DGKB: variants seen among roughly 807,000 people sequenced by gnomAD.
DGKB encodes 90 kDa diacylglycerol kinase.
A neutral mutation model predicts 114.3 loss-of-function variants in DGKB; 67 were observed. The ratio of observed to expected loss-of-function variants is 0.59; its 90% CI spans 0.48 to 0.72. The LOEUF (loss-of-function observed/expected upper bound fraction) is 0.72, where lower values mean the gene tolerates loss of function less well. Ranked by LOEUF, DGKB falls within the 30% of genes least tolerant of loss-of-function variation. The pLI, the probability that DGKB is intolerant of heterozygous loss-of-function variation, is 0.00. For synonymous variants in DGKB, 398 were observed against 323.1 expected (o/e 1.23, Z -2.49); for missense variants, 907 against 975.2 (o/e 0.93, Z 0.93).
intron 6 of DGKB, 142 bp downstream of exon 6, chr7:14,718,400 G>A: frequency 1.7e-6 from 1 of 591,130 alleles, no homozygotes; most frequent in Non-Finnish European, 2.7e-6. Flanking sequence ...TCCTCAGCAG[G>A]AGGAAATTTT....
chr7:14,418,306 T>TAC (rs1826058723), intron 21 of DGKB, among the ~76,000 whole-genome samples: 8 of 100,602 alleles, frequency 8.0e-5, no homozygotes. Context: ...CATATATGTA[T>TAC]GTATATATGT....
chr7:14,494,032 T>G (rs1784961170), intron 20 of DGKB, among the ~76,000 whole-genome samples: 1 of 151,894 alleles, frequency 6.6e-6, no homozygotes, highest in Non-Finnish European at 1.5e-5. Flanking sequence ...ATATAAAATC[T>G]ATAATTACAT....
chr7:14,314,946 C>G (rs1451554541), intron 23 of DGKB, among the ~76,000 whole-genome samples: 1 of 151,498 alleles, frequency 6.6e-6, no homozygotes, highest in Non-Finnish European at 1.5e-5. Flanking sequence ...GGCAGAAACC[C>G]TACAAGCCAG....
chr7:14,284,448 T>G (rs1363557035), intron 23 of DGKB, among the ~76,000 whole-genome samples: 1 of 145,504 alleles, frequency 6.9e-6, no homozygotes, highest in Non-Finnish European at 1.5e-5. Context: ...TGGAAGTCAG[T>G]GTGGTGATTC....
Position 14,698,110 on chromosome 7 carries a change from G to A in DGKB, c.576C>T (p.Val192=). The A allele has an allele frequency of 6.5e-7, 1 of 1,547,466 alleles. No homozygotes were observed. The highest frequency in any genetic ancestry group is 8.7e-7 in the Non-Finnish European group (1 of 1,146,060). ...MHVAEYLEWD[V]TELNPILHEM... ...ATATACCTACTGGATTAAGTTCAGTGACATCCCACTCAAGGTATTCTGCAA... is the reference window on the plus strand; with the variant it reads ...ATATACCTACTGGATTAAGTTCAGTAACATCCCACTCAAGGTATTCTGCAA... Residue 192 remains valine, a synonymous_variant, in exon 8 of 26, where the codon GTC becomes GTT. Coordinates refer to ENST00000402815, the MANE Select transcript of DGKB (RefSeq NM_001350709.2).
intron 13 of DGKB, among the ~76,000 whole-genome samples, chr7:14,643,057 C>G (rs1052649557): frequency 2.0e-5 from 3 of 152,200 alleles, no homozygotes; most frequent in South Asian, 4.1e-4. Flanking sequence ...AAATAAATAA[C>G]CACAAATCAA....
chr7:14,251,220 G>A (rs1326734222), intron 23 of DGKB, among the ~76,000 whole-genome samples: 1 of 151,940 alleles, frequency 6.6e-6, no homozygotes, highest in Non-Finnish European at 1.5e-5. Context: ...TCCTCTGACT[G>A]TATTACTTCT....
At chr7:14,299,642 T>TA (rs1803165800) in intron 23 of DGKB, among the ~76,000 whole-genome samples, 1 of 151,978 alleles carries the variant, frequency 6.6e-6, no homozygotes, top group South Asian at 2.1e-4. Flanking sequence ...ATTTTCTTAA[T>TA]AAAAAACTGA....
intron 23 of DGKB, among the ~76,000 whole-genome samples, chr7:14,212,449 G>GATAT (rs1355842044): frequency 1.3e-5 from 2 of 151,304 alleles, no homozygotes; most frequent in Non-Finnish European, 3.0e-5. Context: ...CATGTTTTGT[G>GATAT]TTCCTCTACA....
chr7:14,600,356 A>G (rs1274667570), intron 17 of DGKB, among the ~76,000 whole-genome samples: 1 of 152,198 alleles, frequency 6.6e-6, no homozygotes, highest in African/African-American at 2.4e-5. Context: ...AGACACAAGT[A>G]TTCAAACCAT....
At position 14,631,143 on chromosome 7, in the gene DGKB, C is replaced by T. The variant is rs111954626; in HGVS notation, c.1135-875G>A. On this transcript the variant is annotated intron_variant, in intron 13 of 25. Transcript: ENST00000402815. ...AGAATTCCCTTTTCCTCCCTAGATACGAGCTATCTGAGGGAGGGTCTGGGC... is the reference window on the plus strand; with the variant it reads ...AGAATTCCCTTTTCCTCCCTAGATATGAGCTATCTGAGGGAGGGTCTGGGC... Among the ~76,000 whole-genome samples the T allele has an allele frequency of 4.6e-3, 693 of 150,576 alleles. 2 individuals are homozygous for T. Among genetic ancestry groups the T allele is most frequent in the African/African-American group, 0.015 (635 of 41,018 alleles).
intron 13 of DGKB, among the ~76,000 whole-genome samples, chr7:14,632,993 T>C (rs1810037577): frequency 6.6e-6 from 1 of 151,834 alleles, no homozygotes; most frequent in Non-Finnish European, 1.5e-5. Context: ...GACTGTGCCA[T>C]GCTGGATAAT....
At chr7:14,799,558 G>A (rs10230585) in intron 2 of DGKB, among the ~76,000 whole-genome samples, 14,981 of 152,228 alleles carry the variant, frequency 0.098, 925 homozygotes, top group East Asian at 0.24. Context: ...GTGTGGGGAA[G>A]TTCAAGATAT....
intron 20 of DGKB, among the ~76,000 whole-genome samples, chr7:14,481,214 G>A (rs996376315): frequency 4.6e-5 from 7 of 151,820 alleles, no homozygotes; most frequent in Admixed American, 4.6e-4. Context: ...TTGATCACTA[G>A]TATTTTTCTG....
chr7:14,563,582 C>T (rs1316050775), intron 20 of DGKB, among the ~76,000 whole-genome samples: 2 of 147,652 alleles, frequency 1.4e-5, no homozygotes, highest in African/African-American at 5.0e-5. Flanking sequence ...TTTTCTTGAC[C>T]TCAATGAGTA....
chr7:14,212,375 G>GTTTTGTGATTTTACTCTCA (rs1788189793), intron 23 of DGKB, among the ~76,000 whole-genome samples: 1 of 10,678 alleles, frequency 9.4e-5, no homozygotes, highest in African/African-American at 7.4e-4. Context: ...TTTTACTCTC[G>GTTTTGTGATTTTACTCTCA]TGTTTTGTGA....
intron 20 of DGKB, among the ~76,000 whole-genome samples, chr7:14,544,556 C>T (rs1261513673): frequency 6.6e-6 from 1 of 152,068 alleles, no homozygotes; most frequent in African/African-American, 2.4e-5. Context: ...TCAATGACAT[C>T]TCCTTTTATT....
chr7:14,285,243 G>C (rs543890928), intron 23 of DGKB, among the ~76,000 whole-genome samples: 24 of 152,244 alleles, frequency 1.6e-4, no homozygotes, highest in African/African-American at 5.8e-4. Context: ...CTGCCATTAG[G>C]TGGGTGCTAC....
At chr7:14,566,557 G>A (rs1319954494) in intron 20 of DGKB, among the ~76,000 whole-genome samples, 1 of 152,104 alleles carries the variant, frequency 6.6e-6, no homozygotes, top group African/African-American at 2.4e-5. Context: ...AATTTCTGCT[G>A]CAAATGGATC....
Sources: allele counts gnomAD v4.1 joint callset (sites outside exome capture counted in the v4.1 genomes callset), GRCh38; gene constraint gnomAD v4.1.1; transcripts MANE v1.5; gene names NCBI Gene and HGNC (gene_info 2026-07-23, HGNC 2026-07-21).